The following PARG variants were observed in gnomAD, a reference collection of about 807,000 sequenced individuals.
The protein encoded by PARG is poly(ADP-ribose) glycohydrolase.
Under a neutral mutation model 113.0 loss-of-function variants are expected in PARG, and 35 were observed. The ratio of observed to expected loss-of-function variants is 0.31; its 90% CI spans 0.24 to 0.41. The LOEUF (loss-of-function observed/expected upper bound fraction) is 0.41, where lower values mean the gene tolerates loss of function less well. Ranked by LOEUF, PARG falls within the 10% of genes least tolerant of loss-of-function variation. The pLI is 1.00. For missense variants in PARG, 797 were observed against 1,169.4 expected (o/e 0.68, Z 4.64); for synonymous variants, 330 against 409.9 (o/e 0.81, Z 2.36).
At chr10:49,843,812 C>T (rs1554832819) in intron 13 of PARG, among the ~76,000 whole-genome samples, 180 bp from the exon 14 acceptor site, 1 of 152,164 alleles carries the variant, frequency 6.6e-6, no homozygotes, top group Non-Finnish European at 1.5e-5. Context: ...GTCAAACTGT[C>T]CCTATTTGTA....
At chr10:49,886,527 T>C (rs1427170125) in intron 7 of PARG, among the ~76,000 whole-genome samples, 1 of 152,188 alleles carries the variant, frequency 6.6e-6, no homozygotes, top group East Asian at 1.9e-4. Context: ...ATATTTGTAA[T>C]TCAGAGAGTT....
chr10:49,820,909 A>G (rs1453896980), intron 16 of PARG, among the ~76,000 whole-genome samples: 1 of 152,140 alleles, frequency 6.6e-6, no homozygotes, highest in Non-Finnish European at 1.5e-5. Flanking sequence ...GCTTCTATTA[A>G]TCTGGAACTA....
chr10:49,907,004 T>C (rs1448174404), intron 7 of PARG, among the ~76,000 whole-genome samples: 2 of 151,992 alleles, frequency 1.3e-5, no homozygotes, highest in African/African-American at 2.4e-5. Flanking sequence ...AGTTCCAACA[T>C]TGCACTCCCA....
intron 13 of PARG, among the ~76,000 whole-genome samples, chr10:49,848,091 C>T (rs1845593475): frequency 6.6e-6 from 1 of 152,008 alleles, no homozygotes; most frequent in Non-Finnish European, 1.5e-5. Context: ...TGGCTCATGC[C>T]TGTAATCCCA....
chr10:49,933,411 G>A lies in PARG; in HGVS notation c.1037C>T (p.Ala346Val). 1 of 1,613,436 alleles carries A rather than the reference G, an allele frequency of 6.2e-7. No individual in the cohort carries two copies. The highest frequency in any genetic ancestry group is 2.2e-5 in the East Asian group (1 of 44,884). ...CCTAAATTCAATGTCAGCGTCTCTT[G>A]CTTGGAACCTTGAAGGTTTATTTGC... is the stretch of plus-strand genomic sequence containing the variant. ...QTANKPSRFQ[A>V]RDADIEFRKR... The change falls in exon 3 of 18, where the codon GCA becomes GTA. Residue 346 changes from alanine (A) to valine (V), a missense_variant. Around this residue, in one of 5 missense-constraint regions of PARG, gnomAD observed 252 missense variants for 437.4 expected, o/e 0.58. Coordinates refer to ENST00000616448, the MANE Select transcript of PARG (RefSeq NM_003631.5).
chr10:49,833,923 C>A (rs1441216997), intron 15 of PARG, among the ~76,000 whole-genome samples: 2 of 152,056 alleles, frequency 1.3e-5, no homozygotes, highest in African/African-American at 2.4e-5. Context: ...GAAACCCACA[C>A]ATAGAAATAT....
intron 4 of PARG, among the ~76,000 whole-genome samples, chr10:49,924,358 A>C (rs1218000465): frequency 1.3e-5 from 2 of 152,176 alleles, no homozygotes; most frequent in Non-Finnish European, 2.9e-5. Flanking sequence ...AATCACATAA[A>C]TATATAATTT....
At chr10:49,901,473 A>G (rs1554843771) in intron 7 of PARG, among the ~76,000 whole-genome samples, 1 of 150,802 alleles carries the variant, frequency 6.6e-6, no homozygotes, top group Non-Finnish European at 1.5e-5. Flanking sequence ...CTATTATAAA[A>G]TGTGCCATGC....
At chr10:49,839,223 G>C (rs527844422) in intron 15 of PARG, among the ~76,000 whole-genome samples, 188 of 152,112 alleles carry the variant, frequency 1.2e-3, no homozygotes, top group African/African-American at 4.4e-3. Flanking sequence ...TCTGGTCCCA[G>C]CTACTTGGGA....
At chr10:49,883,594 T>C (rs1476094707) in intron 8 of PARG, among the ~76,000 whole-genome samples, 2 of 146,390 alleles carry the variant, frequency 1.4e-5, no homozygotes, top group Non-Finnish European at 3.0e-5. Flanking sequence ...AGGTCAGGAG[T>C]TCGAGACCAG....
intron 17 of PARG, 133 bp from the exon 18 acceptor site, chr10:49,819,627 T>G: frequency 1.5e-6 from 1 of 650,828 alleles, no homozygotes; most frequent in Non-Finnish European, 2.7e-6. Context: ...CAGCATGAAT[T>G]TCATATGCCT....
intron 9 of PARG, among the ~76,000 whole-genome samples, chr10:49,873,522 C>T (rs1485992705): frequency 1.3e-5 from 2 of 150,960 alleles, no homozygotes; most frequent in African/African-American, 4.9e-5. Flanking sequence ...TGATCAAGTT[C>T]CAGTTGTGCT....
chr10:49,819,600 C>T, intron 17 of PARG, 106 bp from the exon 18 acceptor site: 1 of 823,684 alleles, frequency 1.2e-6, no homozygotes, highest in Non-Finnish European at 1.9e-6. Flanking sequence ...TATGCTCAGA[C>T]TTGGCTTTTG....
At chr10:49,836,644 G>A (rs1200814850) in intron 15 of PARG, among the ~76,000 whole-genome samples, 4 of 151,962 alleles carry the variant, frequency 2.6e-5, no homozygotes, top group African/African-American at 7.3e-5. Context: ...GAACATTCTC[G>A]AAAAGTAAAG....
chr10:49,853,584 A>T (rs1171549881), intron 13 of PARG, among the ~76,000 whole-genome samples: 1 of 152,010 alleles, frequency 6.6e-6, no homozygotes, highest in Admixed American at 6.6e-5. Context: ...GATGGCCAAA[A>T]TGTGAGTTGA....
chr10:49,920,451 T>TAAAAAAAA (rs781928566), intron 6 of PARG, among the ~76,000 whole-genome samples: 1 of 39,858 alleles, frequency 2.5e-5, no homozygotes, highest in Non-Finnish European at 4.4e-5. Flanking sequence ...AGCCTCAAAT[T>TAAAAAAAA]AAAAAAAAAA....
intron 15 of PARG, among the ~76,000 whole-genome samples, chr10:49,836,372 A>G (rs1554831116): frequency 8.3e-6 from 1 of 120,438 alleles, no homozygotes; most frequent in Admixed American, 1.3e-4. Context: ...ATCCTAGCTC[A>G]CTGCAAACTC....
chr10:49,909,143 T>C (rs1554845632), intron 7 of PARG, among the ~76,000 whole-genome samples: 6 of 152,222 alleles, frequency 3.9e-5, no homozygotes, highest in African/African-American at 1.4e-4. Context: ...GTCCACAGTA[T>C]ACCACATATG....
At chr10:49,914,793 G>C (rs1164436407) in intron 7 of PARG, among the ~76,000 whole-genome samples, 1 of 152,154 alleles carries the variant, frequency 6.6e-6, no homozygotes, top group Non-Finnish European at 1.5e-5. Context: ...CAATCCTTAC[G>C]TCAACTGGTT....
Sources: allele counts gnomAD v4.1 joint callset (sites outside exome capture counted in the v4.1 genomes callset), GRCh38; gene constraint gnomAD v4.1.1; regional missense constraint gnomAD v4.1.1; transcripts MANE v1.5; gene names NCBI Gene and HGNC (gene_info 2026-07-23, HGNC 2026-07-21).